The following ATP8B1 variants were observed in gnomAD, a reference collection of about 807,000 sequenced individuals.
ATP8B1 encodes the protein phospholipid-transporting ATPase IC.
ATP8B1 carries 80 observed loss-of-function variants against 149.9 expected under a neutral mutation model. The ratio of observed to expected loss-of-function variants is 0.53; its 90% CI spans 0.45 to 0.64. The LOEUF (loss-of-function observed/expected upper bound fraction) is 0.64. Among genes scored for constraint, ATP8B1 ranks in the 30% least tolerant of loss-of-function variants. The pLI is 0.00. For missense variants in ATP8B1, 1,247 were observed against 1,552.6 expected (o/e 0.80, Z 3.31); for synonymous variants, 536 against 562.8 (o/e 0.95, Z 0.67).
At chr18:57,788,632 C>G (rs2123443409) in intron 1 of ATP8B1, among the ~76,000 whole-genome samples, 1 of 152,044 alleles carries the variant, frequency 6.6e-6, no homozygotes. Context: ...GAAAAGAGTA[C>G]CCTAACCCAG....
intron 1 of ATP8B1, chr18:57,737,231 G>A (rs2079866180): frequency 6.6e-6 from 1 of 151,654 alleles, no homozygotes; most frequent in African/African-American, 2.4e-5. Context: ...TTACAAGCAT[G>A]AGCCACCACG....
chr18:57,786,761 G>A (rs564829250), intron 1 of ATP8B1, among the ~76,000 whole-genome samples: 22 of 152,304 alleles, frequency 1.4e-4, no homozygotes, highest in African/African-American at 4.1e-4. Context: ...GATTACAGGC[G>A]TGAGCCACTG....
intron 1 of ATP8B1, among the ~76,000 whole-genome samples, chr18:57,775,640 ATG>A (rs1234963011): frequency 2.7e-5 from 3 of 112,294 alleles, no homozygotes; most frequent in African/African-American, 6.9e-5. Context: ...ACAACTGGCC[ATG>A]TTTTTTTTTT....
At chr18:57,732,564 C>CT (rs1264336418) in intron 1 of ATP8B1, among the ~76,000 whole-genome samples, 3 of 151,260 alleles carry the variant, frequency 2.0e-5, no homozygotes, top group Admixed American at 6.6e-5. Flanking sequence ...AGTTGAATTT[C>CT]TTTTTTTTCT....
intron 1 of ATP8B1, among the ~76,000 whole-genome samples, chr18:57,781,512 T>C (rs1233320481): frequency 1.3e-5 from 2 of 152,214 alleles, no homozygotes; most frequent in Non-Finnish European, 2.9e-5. Context: ...AGTGCTGAAC[T>C]TGTATTTAGT....
At position 57,648,852 on chromosome 18, in the gene ATP8B1, T is replaced by TGTGTGTGTGTGTGTGTGTGTGTGTG. The variant is rs1909382370; in HGVS notation, c.3532-141_3532-140insCACACACACACACACACACACACAC. 8 of 557,642 alleles carry TGTGTGTGTGTGTGTGTGTGTGTGTG rather than the reference T, an allele frequency of 1.4e-5. No individual in the cohort carries two copies. The East Asian group carries it at 1.6e-4, about 11-fold the overall frequency. The allele number at this position is 557,642 out of a possible 1,614,324, so 34.5% of individuals were successfully genotyped here. On this transcript the variant is annotated intron_variant, in intron 27 of 27. Coordinates refer to ENST00000648908, the MANE Select transcript of ATP8B1 (RefSeq NM_001374385.1). ...TTGATGCAGGCAGTTCTGTCCCCAC[T>TGTGTGTGTGTGTGTGTGTGTGTGTG]TGTGTGTGTGTGTGTGTGTGTGTGT...
intron 1 of ATP8B1, 98 bp from the exon 2 acceptor site, chr18:57,731,930 TTG>T: frequency 9.1e-7 from 1 of 1,103,644 alleles, no homozygotes. Flanking sequence ...TTACAGAACA[TTG>T]TCTAACATGT....
rs368698002 is a variant in ATP8B1 at position 57,661,676 on chromosome 18, T to TACAC, written c.2419-218_2419-215dup. ...ACATATATGTATGTGTGTATGTATA[T>TACAC]ACACACACACACACACACACATATA... On this transcript the variant is annotated intron_variant, in intron 21 of 27. Transcript: ENST00000648908. Among the ~76,000 whole-genome samples, 8,285 of 104,118 alleles carry TACAC rather than the reference T, an allele frequency of 0.08. 454 individuals carry two copies. Among genetic ancestry groups the TACAC allele is most frequent in the Middle Eastern group, 0.13 (22 of 166 alleles). The allele number at this position is 104,118 out of a possible 152,430, so 68.3% of individuals were successfully genotyped here. A position where few individuals can be genotyped will look rare whatever the true frequency, so the allele number is the denominator to read the frequency against.
intron 26 of ATP8B1, among the ~76,000 whole-genome samples, chr18:57,651,062 T>G (rs1909581252): frequency 6.6e-6 from 1 of 152,014 alleles, no homozygotes; most frequent in Admixed American, 6.5e-5. Flanking sequence ...AAAAAGCACA[T>G]TTGTTGACAT....
chr18:57,727,715 G>A (rs2079722552), intron 2 of ATP8B1, among the ~76,000 whole-genome samples: 1 of 152,178 alleles, frequency 6.6e-6, no homozygotes, highest in Non-Finnish European at 1.5e-5. Context: ...CTTGAACCCA[G>A]GAGCGGGGTT....
At chr18:57,726,994 C>A (rs557631652) in intron 2 of ATP8B1, among the ~76,000 whole-genome samples, 1 of 152,190 alleles carries the variant, frequency 6.6e-6, no homozygotes, top group South Asian at 2.1e-4. Flanking sequence ...GCAGGAGAAT[C>A]ACTTGAACCC....
chr18:57,764,319 TTCTTTTTC>T (rs748923152), intron 1 of ATP8B1, among the ~76,000 whole-genome samples: 8 of 118,108 alleles, frequency 6.8e-5, no homozygotes, highest in Admixed American at 1.6e-4. Flanking sequence ...CTTTCTTTCT[TTCTTTTTC>T]TTTCTTTCTT....
intron 15 of ATP8B1, among the ~76,000 whole-genome samples, chr18:57,682,387 G>A (rs1912025889): frequency 6.6e-6 from 1 of 152,176 alleles, no homozygotes. Context: ...AGACTGGGCT[G>A]ACTCATCTCT....
In ATP8B1 at chr18:57,706,487, C is replaced by A; in HGVS notation, c.279+3G>T. ...AAAACAATTCAGAAAGTTAACAACT[C>A]ACCGCATATTTACTCTCCTTAATAC... On this transcript the variant is annotated splice_donor_region_variant and intron_variant, in intron 3 of 27. Coordinates refer to ENST00000648908, the MANE Select transcript of ATP8B1 (RefSeq NM_001374385.1). 1 of 1,611,010 alleles carries A rather than the reference C, an allele frequency of 6.2e-7. No homozygotes were observed. The highest frequency in any genetic ancestry group is 2.2e-5 in the East Asian group (1 of 44,856).
At chr18:57,778,071 T>G (rs1199112668) in intron 1 of ATP8B1, among the ~76,000 whole-genome samples, 1 of 152,178 alleles carries the variant, frequency 6.6e-6, no homozygotes, top group Admixed American at 6.5e-5. Context: ...AACAGAAGCA[T>G]TTACCAGATA....
At chr18:57,713,201 T>TCTTTCTTTCTC (rs1913794584) in intron 2 of ATP8B1, among the ~76,000 whole-genome samples, 1 of 70,972 alleles carries the variant, frequency 1.4e-5, no homozygotes, top group Non-Finnish European at 3.2e-5. Flanking sequence ...CTTTCTTTCC[T>TCTTTCTTTCTC]TCCTTCCTTC....
intron 13 of ATP8B1, among the ~76,000 whole-genome samples, chr18:57,686,168 A>G (rs1248516045): frequency 1.3e-5 from 2 of 151,532 alleles, no homozygotes; most frequent in African/African-American, 4.8e-5. Context: ...AAGCTGAGGG[A>G]GGAGAATCAT....
At chr18:57,696,870 T>G (rs1403819383) in intron 8 of ATP8B1, among the ~76,000 whole-genome samples, 3 of 152,208 alleles carry the variant, frequency 2.0e-5, no homozygotes, top group Non-Finnish European at 2.9e-5. Context: ...ACTCAATAAA[T>G]GCCTTGAAAA....
intron 2 of ATP8B1, among the ~76,000 whole-genome samples, chr18:57,714,637 T>C (rs1913918313): frequency 7.4e-6 from 1 of 135,718 alleles, no homozygotes; most frequent in Non-Finnish European, 1.6e-5. Flanking sequence ...GAGAGAGAGA[T>C]TGATTCTGTT....
Sources: allele counts gnomAD v4.1 joint callset (sites outside exome capture counted in the v4.1 genomes callset), GRCh38; gene constraint gnomAD v4.1.1; transcripts MANE v1.5; gene names NCBI Gene and HGNC (gene_info 2026-07-23, HGNC 2026-07-21).